Variants in FHAD1 observed in about 807,000 individuals in gnomAD.
FHAD1 encodes the protein forkhead associated phosphopeptide binding domain 1, also known as forkhead-associated domain-containing protein 1.
In FHAD1, 146 loss-of-function variants were observed where a neutral mutation model predicts 191.3. That is an observed-to-expected ratio of 0.76 (90% CI 0.67 to 0.88). The LOEUF is 0.88. Among genes scored for constraint, FHAD1 ranks in the 40% least tolerant of loss-of-function variants. The pLI, the probability that FHAD1 is intolerant of heterozygous loss-of-function variation, is 0.00. For missense variants in FHAD1, 1,635 were observed against 1,785.8 expected, an observed-to-expected ratio of 0.92 and a Z score of 1.52; for synonymous variants, 616 against 672.3, an observed-to-expected ratio of 0.92 and a Z score of 1.29.
intron 31 of FHAD1, among the ~76,000 whole-genome samples, chr1:15,387,458 A>G (rs1377811122): frequency 1.3e-5 from 2 of 152,132 alleles, no homozygotes; most frequent in Admixed American, 6.5e-5. Context: ...GCTCAAGAAA[A>G]AGACACCAGG....
chr1:15,390,684 C>G (rs553692695), intron 32 of FHAD1, among the ~76,000 whole-genome samples: 4 of 152,088 alleles, frequency 2.6e-5, no homozygotes, highest in Non-Finnish European at 4.4e-5. Context: ...TCTTGGGGAC[C>G]CCAGGGTCAG....
Position 15,317,844 on chromosome 1 carries a change from A to G in FHAD1, c.1281A>G (p.Lys427=). 2 of 1,551,710 alleles carry G rather than the reference A, an allele frequency of 1.3e-6. No homozygotes were observed. Among genetic ancestry groups the G allele is most frequent in the Non-Finnish European group, 1.7e-6 (2 of 1,146,920 alleles). ...TTCAGCAAATCCAAGACATGGAGAA[A>G]GAAATGAAGAAGCTTAGGGCAGAGC... ...LCKTQIQDME[K]EMKKLRAELR... The change falls in exon 10 of 34, where the codon AAA becomes AAG. Residue 427 remains lysine (K), a synonymous_variant. Coordinates refer to ENST00000688493, the MANE Select transcript of FHAD1 (RefSeq NM_001391957.1).
chr1:15,341,948 G>C, intron 16 of FHAD1, 60 bp downstream of exon 16: 2 of 1,444,244 alleles, frequency 1.4e-6, no homozygotes, highest in Non-Finnish European at 1.9e-6. Flanking sequence ...CCTTTTCTAT[G>C]GGAAATTGAG....
Position 15,318,059 on chromosome 1 carries a change from G to T in FHAD1, c.1365+131G>T. The T allele has an allele frequency of 1.6e-6, 1 of 612,004 alleles. No homozygotes were observed. The allele number at this position is 612,004 out of a possible 1,614,324, so 37.9% of individuals were successfully genotyped here. A position where few individuals can be genotyped will look rare whatever the true frequency, so the allele number is the denominator to read the frequency against. ...AGCTGAGAAAACTGAGGCTCACACA[G>T]GGACAGGGACCAGGTTCACTGCATA... On this transcript the variant is annotated intron_variant, in intron 10 of 33. Coordinates refer to ENST00000688493, the MANE Select transcript of FHAD1 (RefSeq NM_001391957.1). This position sits in a 1 kb window ranked among gnomAD's most constrained non-coding sequence, Gnocchi z 4.1.
chr1:15,373,161 T>C (rs1054996713), intron 26 of FHAD1, among the ~76,000 whole-genome samples: 6 of 152,196 alleles, frequency 3.9e-5, no homozygotes, highest in African/African-American at 1.4e-4. Flanking sequence ...TGAATTTTTC[T>C]GGAGGAAAAA....
intron 10 of FHAD1, 110 bp from the exon 11 acceptor site, chr1:15,324,342 G>T: frequency 4.8e-6 from 4 of 838,338 alleles, no homozygotes; most frequent in Non-Finnish European, 7.9e-6. Flanking sequence ...GGCTGCAGCT[G>T]TGCCTACCCC....
At chr1:15,365,034 A>G (rs1333446025) in intron 23 of FHAD1, among the ~76,000 whole-genome samples, 3 of 152,194 alleles carry the variant, frequency 2.0e-5, no homozygotes, top group Non-Finnish European at 2.9e-5. Flanking sequence ...CCACACTTCC[A>G]CTGGCTCCCA....
chr1:15,320,468 T>C (rs562169794), intron 10 of FHAD1, among the ~76,000 whole-genome samples: 9 of 152,352 alleles, frequency 5.9e-5, no homozygotes, highest in African/African-American at 1.9e-4. Context: ...CCTAACATGA[T>C]TGTGGATTTG....
intron 20 of FHAD1, among the ~76,000 whole-genome samples, chr1:15,355,510 A>G (rs994492066): frequency 1.3e-5 from 2 of 152,264 alleles, no homozygotes; most frequent in African/African-American, 4.8e-5. Context: ...ATCCTTGGAC[A>G]AGCTGCTGAG....
At position 15,286,573 on chromosome 1, in the gene FHAD1, A is replaced by C. The variant is rs747464849; in HGVS notation, c.301-2826A>C. On this transcript the variant is annotated intron_variant, in intron 3 of 33. Coordinates refer to ENST00000688493, the MANE Select transcript of FHAD1 (RefSeq NM_001391957.1). The stretch of plus-strand genomic sequence containing the variant: ...GGCTGCACCCCTTGGTGCTGGCTAC[A>C]TTCTCAAGTCCCCAGTTCTCTGTGG... Among the ~76,000 whole-genome samples, 32 of 152,308 alleles carry C rather than the reference A, an allele frequency of 2.1e-4. No individual in the cohort carries two copies. In the Middle Eastern group the frequency reaches 0.014, roughly 65 times the overall value.
intron 2 of FHAD1, among the ~76,000 whole-genome samples, chr1:15,253,317 A>C (rs976387735): frequency 2.0e-5 from 3 of 152,096 alleles, no homozygotes; most frequent in African/African-American, 7.2e-5. Flanking sequence ...TTCCCATATA[A>C]ATTTTAGAAT....
chr1:15,383,223 G>A (rs968464845), intron 31 of FHAD1: 3 of 470,844 alleles, frequency 6.4e-6, no homozygotes, highest in African/African-American at 4.0e-5. Flanking sequence ...GGCATCCCTC[G>A]CTATCTGCTG....
intron 23 of FHAD1, among the ~76,000 whole-genome samples, chr1:15,365,549 C>T (rs1416200113): frequency 6.8e-6 from 1 of 146,914 alleles, no homozygotes; most frequent in Non-Finnish European, 1.5e-5. Context: ...TCTCGAACTC[C>T]TGAGCTCAAG....
chr1:15,265,391 G>A (rs1399636585), intron 2 of FHAD1, among the ~76,000 whole-genome samples: 1 of 152,214 alleles, frequency 6.6e-6, no homozygotes, highest in African/African-American at 2.4e-5. Flanking sequence ...CAGCAGAGTG[G>A]AGCTTGTACA....
At chr1:15,361,821 A>T (rs559122096) in intron 22 of FHAD1, among the ~76,000 whole-genome samples, 1 of 152,134 alleles carries the variant, frequency 6.6e-6, no homozygotes, top group South Asian at 2.1e-4. Context: ...CCTGGCCAAC[A>T]TGGTGAAACC....
chr1:15,298,706 T>G (rs1463812954), intron 5 of FHAD1, among the ~76,000 whole-genome samples: 2 of 152,174 alleles, frequency 1.3e-5, no homozygotes, highest in East Asian at 3.8e-4. Flanking sequence ...TAGACTCCAC[T>G]GCTTGATGGC....
chr1:15,358,762 G>C (rs540637252), intron 21 of FHAD1, among the ~76,000 whole-genome samples: 1 of 152,040 alleles, frequency 6.6e-6, no homozygotes, highest in Admixed American at 6.5e-5. Context: ...CACAATTAGG[G>C]CTCGATGTGC....
chr1:15,333,824 C>CTTTTTTTT lies in FHAD1; in HGVS notation c.1906+4302_1906+4309dup, dbSNP rs55698715. On this transcript the variant is annotated intron_variant, in intron 14 of 33. Transcript: ENST00000688493. The stretch of plus-strand genomic sequence containing the variant: ...TGATTACCATCTTTATTTTATTTAT[C>CTTTTTTTT]TTTTTTTTTTTTTTTTTTTTTTTTT... Among the ~76,000 whole-genome samples, 4 of 64,802 alleles carry CTTTTTTTT rather than the reference C, an allele frequency of 6.2e-5. 1 individual carries two copies. The highest frequency in any genetic ancestry group is 2.2e-4 in the Admixed American group (1 of 4,648). 42.5% of individuals were successfully genotyped at this position (64,802 alleles called of 152,430 possible). A position where few individuals can be genotyped will look rare whatever the true frequency, so the allele number is the denominator to read the frequency against.
At position 15,367,575 on chromosome 1, in the gene FHAD1, G is replaced by A; in HGVS notation, c.3267G>A (p.Leu1089=). ...AGAAGATGGCCCAGATGAGCAGCCT[G>A]GTAGAAAAGAAAGATCGGGAGCTGA... ...LKEKMAQMSS[L]VEKKDRELKA... is the part of the protein sequence containing the mutation. Residue 1089 remains leucine, a synonymous_variant, in exon 25 of 34, where the codon CTG becomes CTA. Coordinates refer to ENST00000688493, the MANE Select transcript of FHAD1 (RefSeq NM_001391957.1). 2 of 1,417,950 alleles carry A rather than the reference G, an allele frequency of 1.4e-6. No individual in the cohort carries two copies. The highest frequency in any genetic ancestry group is 1.9e-6 in the Non-Finnish European group (2 of 1,064,758). The allele number at this position is 1,417,950 out of a possible 1,614,324, so 87.8% of individuals were successfully genotyped here. A position where few individuals can be genotyped will look rare whatever the true frequency, so the allele number is the denominator to read the frequency against.
Sources: allele counts gnomAD v4.1 joint callset (sites outside exome capture counted in the v4.1 genomes callset), GRCh38; gene constraint gnomAD v4.1.1; non-coding constraint Gnocchi (gnomAD v3.1); transcripts MANE v1.5; gene names NCBI Gene and HGNC (gene_info 2026-07-23, HGNC 2026-07-21).